TTC21A: variants seen among roughly 807,000 people sequenced by gnomAD.
The protein encoded by TTC21A is tetratricopeptide repeat protein 21A.
A neutral mutation model predicts 156.4 loss-of-function variants in TTC21A; 128 were observed. The observed-to-expected ratio is 0.82, with a 90% CI of 0.71 to 0.95. The LOEUF (loss-of-function observed/expected upper bound fraction) is 0.95, where lower values mean the gene tolerates loss of function less well. Ranked by LOEUF, TTC21A falls within the 40% of genes least tolerant of loss-of-function variation. The probability of loss-of-function intolerance (pLI) is 0.00; values close to 1 mark genes in which losing one functional copy is unlikely to be tolerated. For missense variants in TTC21A, 1,435 were observed against 1,602.3 expected (o/e 0.90, Z 1.78); for synonymous variants, 587 against 617.1 (o/e 0.95, Z 0.72).
At position 39,137,360 on chromosome 3, in the gene TTC21A, C is replaced by A; in HGVS notation, c.3423C>A (p.Gly1141=). 6.2e-7 allele frequency: 1 copy of A among 1,613,398 alleles called. No homozygotes were observed. The highest frequency in any genetic ancestry group is 8.5e-7 in the Non-Finnish European group (1 of 1,179,690). Residue 1141 remains glycine (G), a synonymous_variant, in exon 25 of 29, where the codon GGC becomes GGA. Coordinates refer to ENST00000683103, the MANE Select transcript of TTC21A (RefSeq NM_001366900.1). The part of the protein sequence containing the change: ...REKANMEAAL[G]SFIQIAQAEK... ...AGGCTAACATGGAGGCTGCGCTGGG[C>A]AGCTTCATCCAGATAGCGCAGGCTG...
chr3:39,109,744 C>T (rs2036642729), intron 2 of TTC21A, among the ~76,000 whole-genome samples: 4 of 152,338 alleles, frequency 2.6e-5, no homozygotes, highest in Non-Finnish European at 5.9e-5. Flanking sequence ...GCCTGAGGTC[C>T]TTCTTCAGAA....
At chr3:39,138,656 T>G (rs2039322576) in intron 28 of TTC21A, 33 bp downstream of exon 28, 1 of 1,613,904 alleles carries the variant, frequency 6.2e-7, no homozygotes, top group Non-Finnish European at 8.5e-7. Context: ...GAGGGCCTGG[T>G]GTAGTGGTGG....
At chr3:39,114,535 C>CGGAG in intron 5 of TTC21A, 50 bp from the exon 6 acceptor site, 2 of 1,597,296 alleles carry the variant, frequency 1.3e-6, no homozygotes, top group Non-Finnish European at 1.7e-6. Flanking sequence ...CAGCAAACTC[C>CGGAG]CTTCATGGGC....
Position 39,137,397 on chromosome 3 carries a change from G to A in TTC21A, c.3450+10G>A, listed in dbSNP as rs1184900223. 17 of 1,610,940 alleles carry A rather than the reference G, an allele frequency of 1.1e-5. No homozygotes were observed. Among genetic ancestry groups the A allele is most frequent in the East Asian group, 2.2e-5 (1 of 44,812 alleles). On this transcript the variant is annotated intron_variant, in intron 25 of 28. Coordinates refer to ENST00000683103, the MANE Select transcript of TTC21A (RefSeq NM_001366900.1). ...GATAGCGCAGGCTGAGGTGTGGCTGGTGGGGACTGGCGGGCATGGGCAGGT... is the reference window on the plus strand; with the variant it reads ...GATAGCGCAGGCTGAGGTGTGGCTGATGGGGACTGGCGGGCATGGGCAGGT...
At chr3:39,115,247 A>G (rs1208616314) in intron 6 of TTC21A, among the ~76,000 whole-genome samples, 1 of 152,192 alleles carries the variant, frequency 6.6e-6, no homozygotes, top group Non-Finnish European at 1.5e-5. Flanking sequence ...GTTATTGGGC[A>G]TGTAGAAACC....
At position 39,107,818 on chromosome 3, in the gene TTC21A, G is replaced by C. The variant is rs767103999; in HGVS notation, c.-20G>C. The C allele has an allele frequency of 1.9e-6, 3 of 1,612,524 alleles. No individual in the cohort carries two copies. The highest frequency in any genetic ancestry group is 2.5e-6 in the Non-Finnish European group (3 of 1,179,958). ...GCACCGCCCCACCAGACCCGGACTC[G>C]GAGCCGCGAGCGGCCCGAGATGAGC... On this transcript the variant is annotated 5_prime_UTR_variant, in exon 1 of 29. Transcript: ENST00000683103.
intron 9 of TTC21A, 127 bp downstream of exon 9, chr3:39,121,316 G>A (rs2037751186): frequency 1.4e-6 from 1 of 732,128 alleles, no homozygotes; most frequent in African/African-American, 1.8e-5. Flanking sequence ...GGGGTACAAT[G>A]TATGATGGGG....
At chr3:39,126,771 T>A (rs2038303329) in intron 12 of TTC21A, among the ~76,000 whole-genome samples, 1 of 152,176 alleles carries the variant, frequency 6.6e-6, no homozygotes, top group African/African-American at 2.4e-5. Flanking sequence ...CACCTAGGCC[T>A]TTGTGGATTT....
rs1395027259 is a variant in TTC21A at position 39,110,934 on chromosome 3, CT to C, written c.356del (p.Phe119SerfsTer5). The part of the protein sequence containing the change: ...VSGTALYYAG[L>X]FLWLIGRHDK... ...TGGGACTGCACTGTACTATGCTGGC[CT>C]TTTCCTCTGGCTCATAGGCCGCCAT... On this transcript the variant is annotated frameshift_variant, in exon 4 of 29. Transcript: ENST00000683103. LOFTEE classifies it high-confidence loss of function. 6 of 1,613,918 alleles carry C rather than the reference CT, an allele frequency of 3.7e-6. No homozygotes were observed. In the African/African-American group the frequency reaches 8.0e-5, roughly 22 times the overall value.
intron 27 of TTC21A, 40 bp from the exon 28 acceptor site, chr3:39,138,515 CA>C: frequency 6.2e-7 from 1 of 1,613,922 alleles, no homozygotes; most frequent in South Asian, 1.1e-5. Context: ...GTTCTCAGGT[CA>C]CCAGGGTGCC....
In TTC21A at chr3:39,138,747, G is replaced by A; in HGVS notation, c.3901G>A (p.Glu1301Lys). 1 of 1,614,156 alleles carries A rather than the reference G, an allele frequency of 6.2e-7. No homozygotes were observed. The highest frequency in any genetic ancestry group is 8.5e-7 in the Non-Finnish European group (1 of 1,180,032). ...REHPDYPKIR[E>K]EILEKARRSL... ...GCACCCCGACTACCCCAAGATCAGG[G>A]AGGAAATTTTGGAAAAGGCCCGAAG... Residue 1301 changes from glutamate (E) to lysine (K), a missense_variant, in exon 29 of 29, where the codon GAG becomes AAG. Physicochemically the swap from Glu to Lys is moderately conservative, Grantham distance 56. Coordinates refer to ENST00000683103, the MANE Select transcript of TTC21A (RefSeq NM_001366900.1).
intron 5 of TTC21A, 171 bp downstream of exon 5, chr3:39,112,751 C>A: frequency 2.1e-6 from 1 of 469,776 alleles, no homozygotes; most frequent in Non-Finnish European, 2.8e-6. Context: ...ACACAGCAGT[C>A]CAAGGTCCAC....
intron 1 of TTC21A, 50 bp downstream of exon 1, chr3:39,107,914 T>C (rs748304124): frequency 6.9e-7 from 1 of 1,444,946 alleles, no homozygotes; most frequent in African/African-American, 1.9e-5. Context: ...TCCCCGCCCC[T>C]GACCCAGAGA....
At chr3:39,110,377 C>T (rs2036707799) in intron 3 of TTC21A, 1 of 591,060 alleles carries the variant, frequency 1.7e-6, no homozygotes, top group Non-Finnish European at 3.0e-6. Flanking sequence ...GGGAGGGGCC[C>T]ATGCTCCAGA....
In TTC21A at chr3:39,133,903, C is replaced by A. The variant is rs575593024; in HGVS notation, c.2752-315C>A. On this transcript the variant is annotated intron_variant, in intron 20 of 28. Coordinates refer to ENST00000683103, the MANE Select transcript of TTC21A (RefSeq NM_001366900.1). ...TACATGCCTGCATGGGGATACAGGG[C>A]ACCACTTGGAGGAATGGTACCTGCC... Among the ~76,000 whole-genome samples the A allele has an allele frequency of 3.3e-5, 5 of 152,264 alleles. No homozygotes were observed. In the South Asian group the frequency reaches 1.0e-3, roughly 32 times the overall value.
In TTC21A at chr3:39,134,192, G is replaced by C; in HGVS notation, c.2752-26G>C. 6.6e-7 allele frequency: 1 copy of C among 1,522,810 alleles called. No individual in the cohort carries two copies. The allele number at this position is 1,522,810 out of a possible 1,614,324, so 94.3% of individuals were successfully genotyped here. A position where few individuals can be genotyped will look rare whatever the true frequency, so the allele number is the denominator to read the frequency against. On this transcript the variant is annotated intron_variant, in intron 20 of 28. Coordinates refer to ENST00000683103, the MANE Select transcript of TTC21A (RefSeq NM_001366900.1). This position sits in a 1 kb window ranked among gnomAD's most constrained non-coding sequence, Gnocchi z 4.6. ...GGTTTCCCATGGTGTTTACTAGTTA[G>C]TTTATTATATCCGGCCTTGTCCCAG...
Position 39,130,384 on chromosome 3 carries a change from G to A in TTC21A, c.2319+26G>A, listed in dbSNP as rs772947269. ...GTCAGGCTGGGCTAGGGTGTGAAGG[G>A]GCAGGGAGGGCCAGCCCAGCAGGGA... On this transcript the variant is annotated intron_variant, in intron 17 of 28. Transcript: ENST00000683103. The surrounding 1 kb of genome is among the most constrained non-coding windows in gnomAD (Gnocchi z 4.5). 3.3e-5 allele frequency: 52 copies of A among 1,573,322 alleles called. 1 individual carries two copies. In the Middle Eastern group the frequency reaches 1.0e-3, roughly 31 times the overall value.
Position 39,110,015 on chromosome 3 carries a change from G to A in TTC21A, c.158-14G>A, listed in dbSNP as rs755496354. 1 of 1,598,304 alleles carries A rather than the reference G, an allele frequency of 6.3e-7. No individual in the cohort carries two copies. The highest frequency in any genetic ancestry group is 1.7e-5 in the Admixed American group (1 of 59,890). The stretch of plus-strand genomic sequence containing the variant: ...TGGAGCTTGAGAGTATAACTATGTG[G>A]ACTGTCTTTGCAGAGCACATCCAGG... On this transcript the variant is annotated splice_polypyrimidine_tract_variant and intron_variant, in intron 2 of 28. Transcript: ENST00000683103.
chr3:39,129,353 G>A (rs2038545517), intron 15 of TTC21A, 43 bp downstream of exon 15: 3 of 1,417,136 alleles, frequency 2.1e-6, no homozygotes, highest in Middle Eastern at 1.8e-4. Context: ...TTCTCCAATG[G>A]TATCTTAGGG....
Sources: allele counts gnomAD v4.1 joint callset (sites outside exome capture counted in the v4.1 genomes callset), GRCh38; gene constraint gnomAD v4.1.1; non-coding constraint Gnocchi (gnomAD v3.1); transcripts MANE v1.5; gene names NCBI Gene and HGNC (gene_info 2026-07-23, HGNC 2026-07-21).